Variants in PIKFYVE observed in about 807,000 individuals in gnomAD.
PIKFYVE encodes 1-phosphatidylinositol 3-phosphate 5-kinase.
A neutral mutation model predicts 257.9 loss-of-function variants in PIKFYVE; 122 were observed. The ratio of observed to expected loss-of-function variants is 0.47; its 90% CI spans 0.41 to 0.55. PIKFYVE has a LOEUF of 0.55. Ranked by LOEUF, PIKFYVE falls within the 20% of genes least tolerant of loss-of-function variation. The pLI is 0.00. For missense variants in PIKFYVE, 2,160 were observed against 2,536.6 expected (o/e 0.85, Z 3.19); for synonymous variants, 892 against 868.9 (o/e 1.03, Z -0.47).
At chr2:208,276,147 G>A (rs560480418) in intron 3 of PIKFYVE, among the ~76,000 whole-genome samples, 9 of 152,266 alleles carry the variant, frequency 5.9e-5, no homozygotes, top group African/African-American at 2.2e-4. Context: ...TTTTACCATG[G>A]CAAAATTTGC....
At chr2:208,329,347 A>G (rs1697267887) in intron 21 of PIKFYVE, among the ~76,000 whole-genome samples, 1 of 152,204 alleles carries the variant, frequency 6.6e-6, no homozygotes, top group African/African-American at 2.4e-5. Context: ...GGGAGTTTAT[A>G]TATAGGTCAA....
rs1272873669 is a variant in PIKFYVE, at chr2:208,304,928, GA to G, written c.1553del (p.Asn518ThrfsTer7). The G allele has an allele frequency of 1.2e-6, 2 of 1,613,982 alleles. No individual in the cohort carries two copies. The highest frequency in any genetic ancestry group is 1.7e-6 in the Non-Finnish European group (2 of 1,180,018). On this transcript the variant is annotated frameshift_variant, in exon 12 of 42. Coordinates refer to ENST00000264380, the MANE Select transcript of PIKFYVE (RefSeq NM_015040.4). LOFTEE classifies it high-confidence loss of function. ...DSDSAASISL[N>X]VELDNVNFHI... ...GTGACTCAGCCGCTTCTATCAGCCT[GA>G]ACGTGGAGCTGGACAACGTGAACTT...
At chr2:208,345,051 T>C in intron 32 of PIKFYVE, 60 bp from the exon 33 acceptor site, 1 of 1,159,196 alleles carries the variant, frequency 8.6e-7, no homozygotes, top group South Asian at 1.3e-5. Context: ...CTAAAGCTTA[T>C]GATTTACTTT....
At chr2:208,354,285 A>T in intron 40 of PIKFYVE, 126 bp downstream of exon 40, 1 of 1,302,960 alleles carries the variant, frequency 7.7e-7, no homozygotes, top group Admixed American at 2.3e-5. Context: ...TGAAATTTCA[A>T]AAATAAGTTT....
At chr2:208,277,282 T>A (rs1574413832) in intron 4 of PIKFYVE, among the ~76,000 whole-genome samples, 2 of 152,180 alleles carry the variant, frequency 1.3e-5, no homozygotes, top group African/African-American at 4.8e-5. Flanking sequence ...CATACCTTTA[T>A]TTTTTTCTAT....
intron 5 of PIKFYVE, among the ~76,000 whole-genome samples, chr2:208,278,661 TG>T (rs1389324010): frequency 6.6e-6 from 1 of 152,160 alleles, no homozygotes; most frequent in Non-Finnish European, 1.5e-5. Flanking sequence ...TTGCGGCATT[TG>T]GTTTTCTGTT....
intron 17 of PIKFYVE, among the ~76,000 whole-genome samples, chr2:208,323,936 C>T (rs12693132): frequency 0.35 from 51,038 of 146,852 alleles, 9,598 homozygotes; most frequent in East Asian, 0.54. Context: ...TCATGTGCTT[C>T]GCCCACTTTT....
chr2:208,312,349 A>C, intron 13 of PIKFYVE, 54 bp downstream of exon 13: 2 of 1,382,142 alleles, frequency 1.4e-6, no homozygotes, highest in Non-Finnish European at 2.0e-6. Context: ...TCATGAGGAT[A>C]TACTTAGGGC....
rs1689419178 is a variant in PIKFYVE at position 208,271,514 on chromosome 2, CATGAA to C, written c.-2_3del. On this transcript the variant is annotated 5_prime_UTR_variant, in exon 2 of 42. An upstream start codon of the reference 5' UTR is lost. Transcript: ENST00000264380. ...GCTTGTTTCTTTTGTTTTTCAGACT[CATGAA>C]ATGGCCACAGATGATAAGACGTCCC... is the stretch of plus-strand genomic sequence containing the variant. 1.2e-6 allele frequency: 2 copies of C among 1,613,954 alleles called. No individual in the cohort carries two copies. Among genetic ancestry groups the C allele is most frequent in the Non-Finnish European group, 1.7e-6 (2 of 1,179,980 alleles).
In PIKFYVE at chr2:208,273,699, T is replaced by C. The variant is rs1431156397; in HGVS notation, c.288T>C (p.Leu96=). The C allele has an allele frequency of 1.2e-6, 2 of 1,614,108 alleles. No homozygotes were observed. Among genetic ancestry groups the C allele is most frequent in the Non-Finnish European group, 1.7e-6 (2 of 1,180,014 alleles). ...VRSPTPYKKQ[L]NEELQRRSSA... is the part of the protein sequence containing the mutation. The stretch of plus-strand genomic sequence containing the variant: ...CACCCACACCTTATAAAAAGCAGCT[T>C]AATGAGGAACTCCAGCGGCGCTCTT... The change falls in exon 3 of 42, where the codon CTT becomes CTC. Residue 96 remains leucine, a synonymous_variant. Transcript: ENST00000264380.
rs905195657 is a variant in PIKFYVE, at chr2:208,349,949, A to G, written c.5375-75A>G. 1.9e-6 allele frequency: 3 copies of G among 1,577,330 alleles called. No individual in the cohort carries two copies. The African/African-American group carries it at 4.1e-5, about 21-fold the overall frequency. ...TTTGCTAAGTTTTTTTGTTACATCAAGGAAAAAGGAAAGGACAAAATGAAC... is the reference window on the plus strand; with the variant it reads ...TTTGCTAAGTTTTTTTGTTACATCAGGGAAAAAGGAAAGGACAAAATGAAC... On this transcript the variant is annotated intron_variant, in intron 35 of 41. Coordinates refer to ENST00000264380, the MANE Select transcript of PIKFYVE (RefSeq NM_015040.4).
intron 28 of PIKFYVE, among the ~76,000 whole-genome samples, chr2:208,337,361 T>C (rs752891996): frequency 1.3e-5 from 2 of 152,126 alleles, no homozygotes; most frequent in Non-Finnish European, 2.9e-5. Context: ...GTGTTAGTTT[T>C]CTCTTGCTCA....
At chr2:208,297,096 G>T (rs935529856) in intron 7 of PIKFYVE, among the ~76,000 whole-genome samples, 8 of 152,202 alleles carry the variant, frequency 5.3e-5, no homozygotes, top group African/African-American at 1.7e-4. Flanking sequence ...TGCTAAGACT[G>T]ATGTAAGTCT....
intron 31 of PIKFYVE, 48 bp from the exon 32 acceptor site, chr2:208,342,506 T>G: frequency 1.4e-6 from 2 of 1,398,710 alleles, no homozygotes; most frequent in Non-Finnish European, 2.0e-6. Flanking sequence ...ATTATATTCT[T>G]AACTCTAGAG....
intron 7 of PIKFYVE, among the ~76,000 whole-genome samples, chr2:208,295,368 T>C (rs1692835871): frequency 6.6e-6 from 1 of 152,228 alleles, no homozygotes; most frequent in Non-Finnish European, 1.5e-5. Flanking sequence ...TACATTTCTA[T>C]TATGTAATAT....
chr2:208,326,284 G>C lies in PIKFYVE; in HGVS notation c.3473G>C (p.Arg1158Thr). The change falls in exon 20 of 42, where the codon AGA (arginine) becomes ACA (threonine). Residue 1158 changes from arginine (R) to threonine (T), a missense_variant. Transcript: ENST00000264380. ...LGRMLADYRA[R>T]GGRIQPKNSD... The stretch of plus-strand genomic sequence containing the variant: ...AGAATGCTGGCCGATTATCGAGCCA[G>C]AGGAGGAAGAATTCAGCCCAAAAAT... 1 of 1,599,528 alleles carries C rather than the reference G, an allele frequency of 6.3e-7. No individual in the cohort carries two copies. The highest frequency in any genetic ancestry group is 2.2e-5 in the East Asian group (1 of 44,754).
At chr2:208,353,841 T>G in intron 39 of PIKFYVE, 57 bp from the exon 40 acceptor site, 1 of 1,595,358 alleles carries the variant, frequency 6.3e-7, no homozygotes, top group South Asian at 1.1e-5. Context: ...TTACTTACAT[T>G]AACTAATCAT....
chr2:208,302,473 G>A, intron 10 of PIKFYVE, 120 bp downstream of exon 10: 1 of 1,022,654 alleles, frequency 9.8e-7, no homozygotes, highest in Non-Finnish European at 1.5e-6. Flanking sequence ...TTTTCCTGCT[G>A]TTTGAGGAAA....
chr2:208,282,601 A>G (rs920328715), intron 5 of PIKFYVE, among the ~76,000 whole-genome samples: 2 of 152,232 alleles, frequency 1.3e-5, no homozygotes, highest in African/African-American at 4.8e-5. Context: ...AACTGATTAG[A>G]TGAGACCCAC....
Sources: allele counts gnomAD v4.1 joint callset (sites outside exome capture counted in the v4.1 genomes callset), GRCh38; gene constraint gnomAD v4.1.1; transcripts MANE v1.5; gene names NCBI Gene and HGNC (gene_info 2026-07-23, HGNC 2026-07-21).